Variants in CR1L observed in about 807,000 individuals in gnomAD.
The protein encoded by CR1L is complement component receptor 1-like protein.
Under a neutral mutation model 62.3 loss-of-function variants are expected in CR1L, and 59 were observed. The observed-to-expected ratio is 0.95, with a 90% confidence interval of 0.77 to 1.18. The LOEUF (loss-of-function observed/expected upper bound fraction) is 1.18, where lower values mean the gene tolerates loss of function less well. Among genes scored for constraint, CR1L ranks in the 50% most tolerant of loss-of-function variants. The probability of loss-of-function intolerance (pLI) is 0.00; values close to 1 mark genes in which losing one functional copy is unlikely to be tolerated. For synonymous variants in CR1L, 279 were observed against 248.7 expected (o/e 1.12, Z -1.15); for missense variants, 700 against 702.8 (o/e 1.00, Z 0.04).
chr1:207,687,043 T>G (rs1277518223), intron 4 of CR1L, among the ~76,000 whole-genome samples: 1 of 152,246 alleles, frequency 6.6e-6, no homozygotes, highest in Non-Finnish European at 1.5e-5. Flanking sequence ...CCAAATAGAC[T>G]AAGACATTGG....
At chr1:207,645,365 G>C in intron 1 of CR1L, 35 bp downstream of exon 1, 3 of 1,608,328 alleles carry the variant, frequency 1.9e-6, no homozygotes, top group Non-Finnish European at 2.6e-6. Context: ...CGTCCGCGGC[G>C]AGGCTAGAGC....
At chr1:207,711,898 CAA>C (rs112058934) in intron 10 of CR1L, among the ~76,000 whole-genome samples, 3 of 115,894 alleles carry the variant, frequency 2.6e-5, no homozygotes. Context: ...GATATCACCT[CAA>C]AAAAAAAAAA....
chr1:207,669,277 C>T (rs114644769), intron 1 of CR1L: 8,334 of 533,570 alleles, frequency 0.016, 114 homozygotes, highest in Non-Finnish European at 0.021. Context: ...CATGGCCTTG[C>T]CCATGAAGGG....
In CR1L at chr1:207,700,029, A is replaced by AT. The variant is rs1009284576; in HGVS notation, c.1228+762dup. ...CTGAGAGATTCATAAATAATAAGTCATTTTTTTAAAATGAGCCTCATATGT... is the reference window on the plus strand; with the variant it reads ...CTGAGAGATTCATAAATAATAAGTCATTTTTTTTAAAATGAGCCTCATATGT... On this transcript the variant is annotated intron_variant, in intron 8 of 11. Transcript: ENST00000508064. Among the ~76,000 whole-genome samples, 12 of 152,072 alleles carry AT rather than the reference A, an allele frequency of 7.9e-5. No individual in the cohort carries two copies. The South Asian group carries it at 1.0e-3, about 13-fold the overall frequency.
In CR1L at chr1:207,678,245, G is replaced by A. The variant is rs1366230744; in HGVS notation, c.325G>A (p.Val109Met). Residue 109 changes from valine to methionine, a missense_variant, in exon 3 of 12, where the codon GTG becomes ATG. Physicochemically the swap from Val to Met is conservative, Grantham distance 21 (BLOSUM62 1). Transcript: ENST00000508064. ...AGATCCTGTGAATGGCATGGCACAT[G>A]TGATCAAAGACATCCAGTTCAGATC... ...PPDPVNGMAH[V>M]IKDIQFRSQI... 3 of 1,613,660 alleles carry A rather than the reference G, an allele frequency of 1.9e-6. No individual in the cohort carries two copies. The highest frequency in any genetic ancestry group is 1.3e-5 in the African/African-American group (1 of 74,934).
rs1259962328 is a variant in CR1L, at chr1:207,703,902, C to T, written c.1328+2284C>T. ...CCAGGAGGTGAAAGTTCCAGTGAGC[C>T]GAGATTGCGTCACCGCACTCCAGGT... On this transcript the variant is annotated intron_variant, in intron 9 of 11. Transcript: ENST00000508064. Among the ~76,000 whole-genome samples the T allele has an allele frequency of 7.3e-5, 11 of 151,456 alleles. No individual in the cohort carries two copies. The East Asian group carries it at 7.7e-4, about 11-fold the overall frequency.
chr1:207,658,021 C>G (rs1425577631), intron 1 of CR1L, among the ~76,000 whole-genome samples: 1 of 152,094 alleles, frequency 6.6e-6, no homozygotes, highest in Non-Finnish European at 1.5e-5. Flanking sequence ...ACAAGACACT[C>G]CTAAATAATC....
intron 10 of CR1L, chr1:207,715,215 G>A (rs1653965931): frequency 1.6e-5 from 11 of 690,412 alleles, no homozygotes; most frequent in Non-Finnish European, 2.5e-5. Flanking sequence ...AGTCAAGGAG[G>A]AAATGGTAGT....
chr1:207,651,151 C>G (rs998791832), intron 1 of CR1L, among the ~76,000 whole-genome samples: 3 of 152,096 alleles, frequency 2.0e-5, no homozygotes, highest in African/African-American at 7.2e-5. Flanking sequence ...CTGCACCTAT[C>G]TTATGATATA....
intron 7 of CR1L, among the ~76,000 whole-genome samples, chr1:207,698,389 G>C (rs1319419532): frequency 6.6e-6 from 1 of 152,212 alleles, no homozygotes; most frequent in Non-Finnish European, 1.5e-5. Flanking sequence ...CGTCTGGCTA[G>C]TCATGGGCTC....
chr1:207,674,722 G>A (rs79845315), intron 1 of CR1L, among the ~76,000 whole-genome samples: 4,014 of 152,186 alleles, frequency 0.026, 186 homozygotes, highest in African/African-American at 0.092. Flanking sequence ...AGCTTTTGGC[G>A]CTAGGAGAGC....
intron 5 of CR1L, among the ~76,000 whole-genome samples, chr1:207,696,832 G>A (rs1002378532): frequency 6.6e-6 from 1 of 152,202 alleles, no homozygotes; most frequent in Admixed American, 6.5e-5. Context: ...AATATGTTGT[G>A]TGAAATAGAC....
intron 11 of CR1L, among the ~76,000 whole-genome samples, chr1:207,718,985 A>C (rs2102484647): frequency 6.7e-6 from 1 of 149,728 alleles, no homozygotes; most frequent in South Asian, 2.1e-4. Flanking sequence ...GGAAAACATC[A>C]TTCTCAGTAA....
chr1:207,707,805 C>CACACACACAT (rs1553245439), intron 9 of CR1L, among the ~76,000 whole-genome samples: 1 of 150,990 alleles, frequency 6.6e-6, no homozygotes, highest in Non-Finnish European at 1.5e-5. Context: ...CACACACACA[C>CACACACACAT]ACACACACAC....
At chr1:207,687,658 C>A (rs1663933490) in intron 4 of CR1L, among the ~76,000 whole-genome samples, 2 of 152,140 alleles carry the variant, frequency 1.3e-5, no homozygotes, top group South Asian at 4.1e-4. Context: ...ACTTTTGTTG[C>A]TGCATGAAGG....
chr1:207,705,396 T>G (rs1664251380), intron 9 of CR1L, among the ~76,000 whole-genome samples: 2 of 152,204 alleles, frequency 1.3e-5, no homozygotes, highest in Admixed American at 6.5e-5. Context: ...AAGTGTCAGG[T>G]GCTCACAGCG....
At chr1:207,679,820 C>T (rs749942369) in intron 3 of CR1L, among the ~76,000 whole-genome samples, 1 of 152,178 alleles carries the variant, frequency 6.6e-6, no homozygotes, top group Non-Finnish European at 1.5e-5. Context: ...AATAATGAAT[C>T]TTCTTTCACT....
At position 207,697,636 on chromosome 1, in the gene CR1L, C is replaced by A. The variant is rs555008536; in HGVS notation, c.996C>A (p.Cys332Ter). ...YDLRGSTYLH[C>*]TPQGDWSPAA... is the part of the protein sequence containing the mutation. Reference sequence around the variant, plus strand: ...TCAGAGGATCTACGTATTTGCACTGCACACCCCAGGGAGACTGGAGCCCTG... The same window carrying A: ...TCAGAGGATCTACGTATTTGCACTGAACACCCCAGGGAGACTGGAGCCCTG... Residue 332 changes from cysteine (C) to a stop codon, truncating the protein, a stop_gained, in exon 6 of 12, where the codon TGC (cysteine) becomes TGA (stop). Coordinates refer to ENST00000508064, the MANE Select transcript of CR1L (RefSeq NM_175710.2). LOFTEE classifies it high-confidence loss of function. The A allele has an allele frequency of 6.2e-7, 1 of 1,613,888 alleles. No homozygotes were observed. The highest frequency in any genetic ancestry group is 1.7e-5 in the Admixed American group (1 of 60,002).
At chr1:207,699,363 A>T in intron 8 of CR1L, 89 bp downstream of exon 8, 1 of 1,472,904 alleles carries the variant, frequency 6.8e-7, no homozygotes. Context: ...TGGTTCTTCA[A>T]TTTTCTAATC....
Sources: allele counts gnomAD v4.1 joint callset (sites outside exome capture counted in the v4.1 genomes callset), GRCh38; gene constraint gnomAD v4.1.1; transcripts MANE v1.5; gene names NCBI Gene and HGNC (gene_info 2026-07-23, HGNC 2026-07-21).